The following LYPD6B variants were observed in gnomAD, a reference collection of about 807,000 sequenced individuals.
LYPD6B encodes LY6/PLAUR domain containing 6B, also known as ly6/PLAUR domain-containing protein 6B.
Under a neutral mutation model 22.8 loss-of-function variants are expected in LYPD6B, and 17 were observed. That is an observed-to-expected ratio of 0.75 (90% CI 0.51 to 1.12). LYPD6B has a LOEUF of 1.12. Ranked by LOEUF, LYPD6B falls within the 50% of genes most tolerant of loss-of-function variation. The probability of loss-of-function intolerance (pLI) is 0.00; values close to 1 mark genes in which losing one functional copy is unlikely to be tolerated. For synonymous variants in LYPD6B, 106 were observed against 91.6 expected (o/e 1.16, Z -0.90); for missense variants, 221 against 258.3 (o/e 0.86, Z 0.99).
chr2:149,098,267 T>A (rs1042884586), intron 1 of LYPD6B, among the ~76,000 whole-genome samples: 2 of 152,204 alleles, frequency 1.3e-5, no homozygotes, highest in African/African-American at 4.8e-5. Context: ...CTGAATCTGA[T>A]CCATGTTGTT....
intron 1 of LYPD6B, among the ~76,000 whole-genome samples, chr2:149,100,758 C>A (rs73015041): frequency 0.038 from 5,773 of 152,224 alleles, 332 homozygotes; most frequent in African/African-American, 0.13. Flanking sequence ...TTGTAAAAGG[C>A]TAAACAAATT....
At chr2:149,054,497 C>T (rs1017826445) in intron 1 of LYPD6B, among the ~76,000 whole-genome samples, 3 of 152,036 alleles carry the variant, frequency 2.0e-5, no homozygotes, top group African/African-American at 7.3e-5. Context: ...ATAGTAGACC[C>T]TTATTGGATA....
intron 1 of LYPD6B, among the ~76,000 whole-genome samples, chr2:149,051,969 C>T (rs1683582723): frequency 6.6e-6 from 1 of 152,108 alleles, no homozygotes; most frequent in Admixed American, 6.5e-5. Flanking sequence ...ATATATTTCC[C>T]ATGTTGTCCT....
At chr2:149,180,367 C>A (rs921244030) in intron 3 of LYPD6B, among the ~76,000 whole-genome samples, 2 of 152,110 alleles carry the variant, frequency 1.3e-5, no homozygotes, top group Non-Finnish European at 2.9e-5. Context: ...GGTCATAATT[C>A]TTTGGTAACT....
chr2:149,206,985 G>A lies in LYPD6B; in HGVS notation c.230-1329G>A, dbSNP rs144349887. On this transcript the variant is annotated intron_variant, in intron 4 of 6. Coordinates refer to ENST00000409642, the MANE Select transcript of LYPD6B (RefSeq NM_177964.5). ...GTTAAATAATTCTTCATTGAAAATCGTTTTAAATTCACTATTTCTTCAATT... is the reference window on the plus strand; with the variant it reads ...GTTAAATAATTCTTCATTGAAAATCATTTTAAATTCACTATTTCTTCAATT... Among the ~76,000 whole-genome samples, 483 of 152,110 alleles carry A rather than the reference G, an allele frequency of 3.2e-3. 3 individuals are homozygous for A. Among genetic ancestry groups the A allele is most frequent in the African/African-American group, 0.011 (457 of 41,536 alleles).
chr2:149,058,465 G>A (rs1187741762), intron 1 of LYPD6B, among the ~76,000 whole-genome samples: 1 of 152,110 alleles, frequency 6.6e-6, no homozygotes, highest in Non-Finnish European at 1.5e-5. Flanking sequence ...ATTATTCTGG[G>A]GCTCCCCATC....
chr2:149,208,248 C>A, intron 4 of LYPD6B, 66 bp from the exon 5 acceptor site: 1 of 1,081,844 alleles, frequency 9.2e-7, no homozygotes, highest in Non-Finnish European at 1.4e-6. Flanking sequence ...CATTTTGTAC[C>A]ATGTTTGATG....
At chr2:149,136,202 T>C (rs146318838) in intron 2 of LYPD6B, among the ~76,000 whole-genome samples, 34 of 152,350 alleles carry the variant, frequency 2.2e-4, no homozygotes, top group African/African-American at 7.9e-4. Flanking sequence ...TTTCACTGTT[T>C]CCTATGCATT....
chr2:149,152,270 A>G (rs1689428113), intron 2 of LYPD6B, among the ~76,000 whole-genome samples: 2 of 152,178 alleles, frequency 1.3e-5, no homozygotes, highest in South Asian at 2.1e-4. Context: ...TCTTTTATTG[A>G]TCAAATATTT....
At chr2:149,067,834 AC>A (rs1684411905) in intron 1 of LYPD6B, among the ~76,000 whole-genome samples, 1 of 152,152 alleles carries the variant, frequency 6.6e-6, no homozygotes, top group Non-Finnish European at 1.5e-5. Flanking sequence ...TTTACTACTC[AC>A]TGGTAGCATG....
At chr2:149,081,783 A>T (rs1174884364) in intron 1 of LYPD6B, among the ~76,000 whole-genome samples, 1 of 152,226 alleles carries the variant, frequency 6.6e-6, no homozygotes, top group African/African-American at 2.4e-5. Context: ...TTTAAAACAC[A>T]TTTAATTTTT....
At chr2:149,059,788 T>C (rs1267836270) in intron 1 of LYPD6B, among the ~76,000 whole-genome samples, 1 of 152,176 alleles carries the variant, frequency 6.6e-6, no homozygotes, top group African/African-American at 2.4e-5. Context: ...TCCTTAGTGC[T>C]CTGTAGAGAA....
At chr2:149,072,359 C>T (rs1443911556) in intron 1 of LYPD6B, among the ~76,000 whole-genome samples, 76 of 150,492 alleles carry the variant, frequency 5.1e-4, no homozygotes, top group Non-Finnish European at 5.9e-5. Context: ...AGTTTCTTGA[C>T]TTTCAGCACA....
chr2:149,150,770 T>C (rs1689315271), intron 2 of LYPD6B, among the ~76,000 whole-genome samples: 1 of 152,138 alleles, frequency 6.6e-6, no homozygotes, highest in African/African-American at 2.4e-5. Flanking sequence ...TCTTTCCTTG[T>C]ATTTTTCTTC....
intron 3 of LYPD6B, among the ~76,000 whole-genome samples, chr2:149,176,271 A>G (rs1022536950): frequency 6.6e-6 from 1 of 152,180 alleles, no homozygotes; most frequent in Non-Finnish European, 1.5e-5. Context: ...ATTATGCGGC[A>G]TGTGACTGTA....
intron 1 of LYPD6B, among the ~76,000 whole-genome samples, chr2:149,120,860 C>T (rs180814443): frequency 1.5e-5 from 2 of 130,550 alleles, no homozygotes; most frequent in Admixed American, 9.0e-5. Flanking sequence ...GGCGTGATCT[C>T]GGCTCATTGC....
chr2:149,063,128 A>G (rs79239423), intron 1 of LYPD6B, among the ~76,000 whole-genome samples: 1,586 of 152,274 alleles, frequency 0.01, 19 homozygotes, highest in East Asian at 0.037. Flanking sequence ...GTGCAAATTT[A>G]TATGGTACAT....
intron 1 of LYPD6B, among the ~76,000 whole-genome samples, chr2:149,062,077 T>A (rs887683752): frequency 2.6e-5 from 4 of 151,990 alleles, no homozygotes; most frequent in African/African-American, 7.2e-5. Flanking sequence ...AACTCCGCCT[T>A]CCCGGGTTCA....
intron 3 of LYPD6B, among the ~76,000 whole-genome samples, chr2:149,164,472 T>A (rs1394450948): frequency 2.0e-5 from 3 of 152,180 alleles, no homozygotes; most frequent in Non-Finnish European, 4.4e-5. Context: ...TCTTGAATTT[T>A]GTGACTCATG....
Sources: allele counts gnomAD v4.1 joint callset (sites outside exome capture counted in the v4.1 genomes callset), GRCh38; gene constraint gnomAD v4.1.1; transcripts MANE v1.5; gene names NCBI Gene and HGNC (gene_info 2026-07-23, HGNC 2026-07-21).